CNTN5: variants seen among roughly 807,000 people sequenced by gnomAD.
The protein encoded by CNTN5 is contactin 5, also known as contactin-5.
CNTN5 carries 77 observed loss-of-function variants against 129.1 expected under a neutral mutation model. The observed-to-expected ratio is 0.60, with a 90% CI of 0.50 to 0.72. The LOEUF (loss-of-function observed/expected upper bound fraction) is 0.72, where lower values mean the gene tolerates loss of function less well. Ranked by LOEUF, CNTN5 falls within the 30% of genes least tolerant of loss-of-function variation. The pLI, the probability that CNTN5 is intolerant of heterozygous loss-of-function variation, is 0.00. For missense variants in CNTN5, 1,478 were observed against 1,328.8 expected, an observed-to-expected ratio of 1.11 and a Z score of -1.75; for synonymous variants, 509 against 465.6, an observed-to-expected ratio of 1.09 and a Z score of -1.20.
chr11:99,257,059 C>A (rs79444733), intron 1 of CNTN5, among the ~76,000 whole-genome samples: 5,759 of 152,114 alleles, frequency 0.038, 372 homozygotes, highest in African/African-American at 0.13. Context: ...GATTCAGATT[C>A]GGGTCTGCAT....
chr11:99,032,074 C>A (rs1006532098), intron 1 of CNTN5, among the ~76,000 whole-genome samples: 1 of 151,860 alleles, frequency 6.6e-6, no homozygotes, highest in African/African-American at 2.4e-5. Flanking sequence ...ATTTCATCCA[C>A]GTCCCTAAAA....
chr11:99,181,668 C>A (rs1302716248), intron 1 of CNTN5, among the ~76,000 whole-genome samples: 1 of 152,074 alleles, frequency 6.6e-6, no homozygotes, highest in African/African-American at 2.4e-5. Flanking sequence ...GGGGAGGATG[C>A]ATTATTTTTC....
At chr11:100,008,359 A>G in intron 9 of CNTN5, among the ~76,000 whole-genome samples, 1 of 152,136 alleles carries the variant, frequency 6.6e-6, no homozygotes, top group Non-Finnish European at 1.5e-5. Context: ...AATGTGTGCC[A>G]GTACCTTCTG....
intron 20 of CNTN5, among the ~76,000 whole-genome samples, chr11:100,305,832 C>T (rs1215573604): frequency 1.3e-5 from 2 of 151,350 alleles, no homozygotes; most frequent in Non-Finnish European, 3.0e-5. Flanking sequence ...CATAGATCAA[C>T]TTCTGATACC....
In CNTN5 at chr11:99,844,907, A is replaced by G. The variant is rs374753976; in HGVS notation, c.333A>G (p.Pro111=). 6.2e-7 allele frequency: 1 copy of G among 1,613,706 alleles called. No homozygotes were observed. ...FVQEPDDIIF[P]TDSDEKKVAL... ...AAGAACCAGATGATATTATTTTTCC[A>G]ACTGATTCTGATGAAAAGAAGGTAG... Residue 111 remains proline, a synonymous_variant, in exon 5 of 25, where the codon CCA becomes CCG. Transcript: ENST00000524871.
At chr11:99,740,260 G>A (rs1163085659) in intron 3 of CNTN5, among the ~76,000 whole-genome samples, 2 of 152,082 alleles carry the variant, frequency 1.3e-5, no homozygotes, top group East Asian at 3.9e-4. Context: ...GGAAAGCAAT[G>A]AGTACTGAAA....
chr11:99,180,514 C>G (rs1167943852), intron 1 of CNTN5, among the ~76,000 whole-genome samples: 1 of 152,200 alleles, frequency 6.6e-6, no homozygotes, highest in East Asian at 1.9e-4. Context: ...TTGTGATTGT[C>G]TATTGTTTTC....
chr11:99,500,595 A>G (rs1946389981), intron 2 of CNTN5, among the ~76,000 whole-genome samples: 1 of 152,046 alleles, frequency 6.6e-6, no homozygotes. Flanking sequence ...AATGTCACCT[A>G]AAAATATTTG....
chr11:100,209,103 GA>G (rs2138579922), intron 15 of CNTN5, among the ~76,000 whole-genome samples: 1 of 152,334 alleles, frequency 6.6e-6, no homozygotes, highest in Admixed American at 6.5e-5. Flanking sequence ...GTCACTTACA[GA>G]AGCACAGAGT....
chr11:99,248,162 T>A (rs1229905163), intron 1 of CNTN5, among the ~76,000 whole-genome samples: 2 of 152,174 alleles, frequency 1.3e-5, no homozygotes, highest in Admixed American at 6.5e-5. Context: ...TTCTAACTGG[T>A]GTGAGATGGT....
At chr11:100,169,788 T>G (rs1456150159) in intron 13 of CNTN5, among the ~76,000 whole-genome samples, 1 of 152,034 alleles carries the variant, frequency 6.6e-6, no homozygotes, top group East Asian at 1.9e-4. Context: ...AGATTTAAGT[T>G]GTCTAGTTAG....
intron 17 of CNTN5, among the ~76,000 whole-genome samples, chr11:100,263,042 C>G (rs1950236124): frequency 1.3e-5 from 2 of 152,118 alleles, no homozygotes; most frequent in Non-Finnish European, 2.9e-5. Flanking sequence ...TTTTTCATCT[C>G]TAATCATTTT....
chr11:100,057,550 C>T (rs901859703), intron 9 of CNTN5, among the ~76,000 whole-genome samples: 2 of 151,804 alleles, frequency 1.3e-5, no homozygotes, highest in African/African-American at 4.8e-5. Flanking sequence ...ATATACCAAA[C>T]ATATGAGGCA....
At chr11:100,031,259 C>A (rs944338097) in intron 9 of CNTN5, among the ~76,000 whole-genome samples, 4 of 152,132 alleles carry the variant, frequency 2.6e-5, no homozygotes, top group Admixed American at 2.6e-4. Flanking sequence ...ATTGTAAATA[C>A]AAAGTTGCAT....
chr11:100,209,997 A>C (rs1048631464), intron 15 of CNTN5, among the ~76,000 whole-genome samples: 3 of 152,018 alleles, frequency 2.0e-5, no homozygotes, highest in African/African-American at 7.2e-5. Flanking sequence ...TTATTATATA[A>C]AGCTGTGATA....
At chr11:100,277,858 GTGGTATAT>G (rs1460675021) in intron 18 of CNTN5, among the ~76,000 whole-genome samples, 1 of 151,972 alleles carries the variant, frequency 6.6e-6, no homozygotes, top group Non-Finnish European at 1.5e-5. Context: ...TTCTGTGCTT[GTGGTATAT>G]TGCTCAAGAA....
At chr11:99,899,248 A>G (rs778975930) in intron 6 of CNTN5, among the ~76,000 whole-genome samples, 4 of 151,918 alleles carry the variant, frequency 2.6e-5, no homozygotes, top group Non-Finnish European at 5.9e-5. Context: ...TCTGTTTGGG[A>G]CTTCCAGTAT....
chr11:99,434,329 A>C (rs1241628053), intron 2 of CNTN5, among the ~76,000 whole-genome samples: 1 of 152,206 alleles, frequency 6.6e-6, no homozygotes, highest in African/African-American at 2.4e-5. Context: ...AAAATGATGT[A>C]TGAAAATTAG....
At chr11:99,345,614 C>A (rs546659621) in intron 2 of CNTN5, among the ~76,000 whole-genome samples, 5 of 152,204 alleles carry the variant, frequency 3.3e-5, no homozygotes, top group South Asian at 4.1e-4. Flanking sequence ...AGCTCAAGAT[C>A]AAGATTTGAT....
Sources: gnomAD v4.1 joint callset for allele counts (sites outside exome capture counted in the v4.1 genomes callset) on GRCh38, gnomAD v4.1.1 for gene constraint, MANE v1.5 for transcripts, NCBI Gene and HGNC (gene_info 2026-07-23, HGNC 2026-07-21) for gene names.